The following ALDH1A1 variants were observed in gnomAD, a reference collection of about 807,000 sequenced individuals.
ALDH1A1 encodes the protein aldehyde dehydrogenase 1A1.
A neutral mutation model predicts 62.1 loss-of-function variants in ALDH1A1; 19 were observed. The observed-to-expected ratio is 0.31, with a 90% confidence interval of 0.21 to 0.45. The LOEUF is 0.45. Ranked by LOEUF, ALDH1A1 falls within the 20% of genes least tolerant of loss-of-function variation. The probability of loss-of-function intolerance (pLI) is 1.00; values close to 1 mark genes in which losing one functional copy is unlikely to be tolerated. For missense variants in ALDH1A1, 521 were observed against 607.1 expected (o/e 0.86, Z 1.49); for synonymous variants, 231 against 215.9 (o/e 1.07, Z -0.61).
At chr9:72,939,701 A>G (rs1307440713) in intron 2 of ALDH1A1, among the ~76,000 whole-genome samples, 1 of 151,980 alleles carries the variant, frequency 6.6e-6, no homozygotes, top group Admixed American at 6.6e-5. Context: ...TATTTTTAGT[A>G]GAGACGGTGT....
chr9:72,913,375 TAAG>T (rs1211177845), intron 9 of ALDH1A1, among the ~76,000 whole-genome samples: 1 of 152,128 alleles, frequency 6.6e-6, no homozygotes, highest in African/African-American at 2.4e-5. Context: ...AAAATAGTGT[TAAG>T]AAGAAATATT....
intron 11 of ALDH1A1, among the ~76,000 whole-genome samples, chr9:72,907,110 A>G (rs1467224210): frequency 6.6e-6 from 1 of 152,176 alleles, no homozygotes; most frequent in Non-Finnish European, 1.5e-5. Context: ...TTGTTAAAAC[A>G]CTATCCCAGT....
At chr9:72,935,562 T>C (rs1055615567) in intron 2 of ALDH1A1, among the ~76,000 whole-genome samples, 5 of 152,212 alleles carry the variant, frequency 3.3e-5, no homozygotes, top group African/African-American at 9.6e-5. Flanking sequence ...TTAACGGACA[T>C]TTACTTTTAT....
At chr9:72,911,141 T>C (rs1387200006) in intron 10 of ALDH1A1, among the ~76,000 whole-genome samples, 1 of 152,162 alleles carries the variant, frequency 6.6e-6, no homozygotes, top group Non-Finnish European at 1.5e-5. Context: ...ATTATATATG[T>C]ATACAGACAC....
chr9:72,951,807 A>G (rs1479674370), intron 1 of ALDH1A1, among the ~76,000 whole-genome samples: 3 of 151,964 alleles, frequency 2.0e-5, no homozygotes. Context: ...CAATACCTTA[A>G]AATACACTTC....
intron 6 of ALDH1A1, 122 bp from the exon 7 acceptor site, chr9:72,924,254 C>A: frequency 1.6e-6 from 1 of 617,992 alleles, no homozygotes; most frequent in South Asian, 2.1e-5. Context: ...AAATAATTCA[C>A]CCAACTGGCT....
chr9:72,906,062 A>T (rs778285139), intron 11 of ALDH1A1, 30 bp from the exon 12 acceptor site: 1 of 1,565,244 alleles, frequency 6.4e-7, no homozygotes, highest in African/African-American at 1.4e-5. Context: ...CATTATAGAC[A>T]ATACTTAAGG....
At chr9:72,943,517 G>A (rs1464467785) in intron 1 of ALDH1A1, among the ~76,000 whole-genome samples, 1 of 152,132 alleles carries the variant, frequency 6.6e-6, no homozygotes, top group Non-Finnish European at 1.5e-5. Flanking sequence ...TTATCTGGCA[G>A]CCTGCAGGCA....
At position 72,918,722 on chromosome 9, in the gene ALDH1A1, T is replaced by A. The variant is rs999062672; in HGVS notation, c.848A>T (p.Asp283Val). 5.0e-6 allele frequency: 8 copies of A among 1,594,164 alleles called. No homozygotes were observed. Among genetic ancestry groups the A allele is most frequent in the Non-Finnish European group, 6.0e-6 (7 of 1,170,164 alleles). Residue 283 changes from aspartate (D) to valine (V), a missense_variant and splice_region_variant, in exon 8 of 13, where the codon GAC (aspartate) becomes GTC (valine). Coordinates refer to ENST00000297785, the MANE Select transcript of ALDH1A1 (RefSeq NM_000689.5). ...KSPCIVLADA[D>V]LDNAVEFAHH... The stretch of plus-strand genomic sequence containing the variant: ...TTAACAAAGTGGTTTCTACTCACAG[T>A]CGGCATCAGCTAACACAATGCAAGG...
chr9:72,930,426 G>A (rs1031597729), intron 3 of ALDH1A1, among the ~76,000 whole-genome samples: 1 of 151,992 alleles, frequency 6.6e-6, no homozygotes, highest in Non-Finnish European at 1.5e-5. Context: ...ATATCTTAGC[G>A]AGCTAGACTA....
rs1829955436 is a variant in ALDH1A1, at chr9:72,909,689, G to T, written c.1271C>A (p.Thr424Asn). 1 of 1,613,604 alleles carries T rather than the reference G, an allele frequency of 6.2e-7. No individual in the cohort carries two copies. Among genetic ancestry groups the T allele is most frequent in the African/African-American group, 1.3e-5 (1 of 74,884 alleles). ...CACTCCTGCTGATAAGCCATAGAAA[G>T]TATTGTTTGCTCTTTTGATCACGTC... ...LDDVIKRANN[T>N]FYGLSAGVFT... Residue 424 changes from threonine to asparagine, a missense_variant, in exon 11 of 13, where the codon ACT (threonine) becomes AAT (asparagine). Thr to Asn is a moderately conservative substitution (Grantham distance 65). Coordinates refer to ENST00000297785, the MANE Select transcript of ALDH1A1 (RefSeq NM_000689.5).
chr9:72,938,646 C>A (rs1175134817), intron 2 of ALDH1A1, among the ~76,000 whole-genome samples: 1 of 151,974 alleles, frequency 6.6e-6, no homozygotes, highest in Non-Finnish European at 1.5e-5. Flanking sequence ...GAGGTTTCAC[C>A]ATGTTGGCCA....
At chr9:72,906,295 C>A (rs539127550) in intron 11 of ALDH1A1, among the ~76,000 whole-genome samples, 47 of 152,154 alleles carry the variant, frequency 3.1e-4, no homozygotes, top group African/African-American at 1.1e-3. Flanking sequence ...AAGTGGTAGT[C>A]TGAATTTATA....
intron 2 of ALDH1A1, among the ~76,000 whole-genome samples, chr9:72,935,906 TTACTA>T (rs1272645673): frequency 6.6e-6 from 1 of 152,202 alleles, no homozygotes; most frequent in Non-Finnish European, 1.5e-5. Flanking sequence ...ATGTCGGAGT[TTACTA>T]TACATTTGTC....
intron 2 of ALDH1A1, among the ~76,000 whole-genome samples, chr9:72,934,303 A>C (rs1830321161): frequency 1.3e-5 from 2 of 152,022 alleles, no homozygotes; most frequent in Non-Finnish European, 1.5e-5. Context: ...AGGCCCTATT[A>C]TTTCATATTG....
chr9:72,905,319 C>G (rs550947443), intron 12 of ALDH1A1, among the ~76,000 whole-genome samples: 27 of 152,062 alleles, frequency 1.8e-4, no homozygotes, highest in African/African-American at 6.5e-4. Flanking sequence ...TCTATATACC[C>G]TAGTTTCAAA....
At chr9:72,905,850 A>G (rs1341628938) in intron 12 of ALDH1A1, 108 bp downstream of exon 12, 3 of 856,988 alleles carry the variant, frequency 3.5e-6, no homozygotes, top group Non-Finnish European at 5.3e-6. Context: ...TCTCCAGGAA[A>G]GAACAGAGGC....
chr9:72,916,837 A>T (rs1380038547), intron 9 of ALDH1A1, 83 bp downstream of exon 9: 1 of 1,216,814 alleles, frequency 8.2e-7, no homozygotes, highest in Non-Finnish European at 1.1e-6. Context: ...ATGGGAAGTA[A>T]TCTTACTCAA....
intron 2 of ALDH1A1, among the ~76,000 whole-genome samples, chr9:72,931,889 C>T (rs1049466327): frequency 1.3e-5 from 2 of 152,206 alleles, no homozygotes; most frequent in Non-Finnish European, 2.9e-5. Context: ...AGTAAAGTGA[C>T]TCCACATTCA....
Sources: allele counts gnomAD v4.1 joint callset (sites outside exome capture counted in the v4.1 genomes callset), GRCh38; gene constraint gnomAD v4.1.1; transcripts MANE v1.5; gene names NCBI Gene and HGNC (gene_info 2026-07-23, HGNC 2026-07-21).